PFKFB2: variants seen among roughly 807,000 people sequenced by gnomAD.
PFKFB2 encodes the protein 6-phosphofructo-2-kinase/fructose-2,6-biphosphatase 2.
A neutral mutation model predicts 68.0 loss-of-function variants in PFKFB2; 53 were observed. The ratio of observed to expected loss-of-function variants is 0.78; its 90% CI spans 0.63 to 0.98. The LOEUF is 0.98. Among genes scored for constraint, PFKFB2 ranks in the 50% least tolerant of loss-of-function variants. PFKFB2 has a pLI of 0.00. For synonymous variants in PFKFB2, 222 were observed against 227.6 expected (o/e 0.98, Z 0.22); for missense variants, 451 against 642.0 (o/e 0.70, Z 3.22).
chr1:207,079,078 G>A (rs1186261073), downstream of PFKFB2: 7 of 1,419,088 alleles, frequency 4.9e-6, no homozygotes, highest in Admixed American at 3.3e-5. Flanking sequence ...AAAAGCTTGG[G>A]ATGTCAGCTT....
In PFKFB2 at chr1:207,077,458, C is replaced by T; in HGVS notation, c.*5087C>T. ...TATGTACGTTTTTTATTATATTGAC[C>T]TAACAAGAAGATCAACTTATGCTGG... On this transcript the variant is annotated 3_prime_UTR_variant, in exon 15 of 15. Coordinates refer to ENST00000367080, the MANE Select transcript of PFKFB2 (RefSeq NM_006212.2). The T allele has an allele frequency of 1.0e-6, 1 of 985,246 alleles. No individual in the cohort carries two copies. The highest frequency in any genetic ancestry group is 1.2e-6 in the Non-Finnish European group (1 of 829,826). 61.0% of individuals were successfully genotyped at this position (985,246 alleles called of 1,614,324 possible). A position where few individuals can be genotyped will look rare whatever the true frequency, so the allele number is the denominator to read the frequency against.
At chr1:207,060,959 A>C (rs867518500) in intron 2 of PFKFB2, 1 of 126,210 alleles carries the variant, frequency 7.9e-6, no homozygotes, top group East Asian at 2.0e-4. Flanking sequence ...GGCTAAGTTA[A>C]ATATATATAT....
intron 8 of PFKFB2, among the ~76,000 whole-genome samples, chr1:207,066,981 C>G (rs1683309175): frequency 6.6e-6 from 1 of 152,156 alleles, no homozygotes; most frequent in South Asian, 2.1e-4. Context: ...AGAGAACAAT[C>G]TCATGTTGGC....
At chr1:207,044,190 G>C (rs1343501628) in intron 2 of PFKFB2, 1 of 152,362 alleles carries the variant, frequency 6.6e-6, no homozygotes, top group East Asian at 1.9e-4. Flanking sequence ...TTTGCGTTAG[G>C]AACCTCTGTC....
At chr1:207,053,695 C>T (rs1225697347) in intron 1 of PFKFB2, among the ~76,000 whole-genome samples, 3 of 152,076 alleles carry the variant, frequency 2.0e-5, no homozygotes, top group African/African-American at 7.2e-5. Context: ...AAGTCATTTA[C>T]CACCTCAGCG....
intron 2 of PFKFB2, among the ~76,000 whole-genome samples, chr1:207,060,556 G>C (rs948386902): frequency 1.3e-5 from 2 of 152,184 alleles, no homozygotes; most frequent in Admixed American, 6.5e-5. Flanking sequence ...AGGAGCTCAT[G>C]ACCTGAGTGA....
At chr1:207,078,780 T>G (rs1342576551), downstream of PFKFB2, among the ~76,000 whole-genome samples, 3 of 152,048 alleles carry the variant, frequency 2.0e-5, no homozygotes, top group Non-Finnish European at 2.9e-5. Context: ...ACTACGCCAT[T>G]CGGGTAGTCA....
At position 207,075,282 on chromosome 1, in the gene PFKFB2, C is replaced by T; in HGVS notation, c.*2911C>T. ...TAGTTCGCTTTCTCCAGAAGAGGAG[C>T]TGAGGTGGTCTTATCCTCAGATAGG... On this transcript the variant is annotated 3_prime_UTR_variant, in exon 15 of 15. Transcript: ENST00000367080. The T allele has an allele frequency of 3.0e-6, 3 of 985,406 alleles. No homozygotes were observed. Among genetic ancestry groups the T allele is most frequent in the Non-Finnish European group, 3.6e-6 (3 of 829,910 alleles). 61.0% of individuals were successfully genotyped at this position (985,406 alleles called of 1,614,324 possible).
At chr1:207,051,005 T>A, upstream of PFKFB2, 1 of 1,524,784 alleles carries the variant, frequency 6.6e-7, no homozygotes, top group Non-Finnish European at 8.8e-7. Flanking sequence ...GACTCCAAAA[T>A]GGCGACCTTT....
intron 2 of PFKFB2, among the ~76,000 whole-genome samples, chr1:207,059,377 T>G (rs1683020123): frequency 6.6e-6 from 1 of 152,162 alleles, no homozygotes; most frequent in East Asian, 1.9e-4. Flanking sequence ...CATGGGGGAT[T>G]GAGAGCAGGC....
At chr1:207,035,035 T>C (rs986142858) in intron 1 of PFKFB2, 2 of 505,326 alleles carry the variant, frequency 4.0e-6, no homozygotes, top group Non-Finnish European at 2.6e-6. Flanking sequence ...GTCAAAAGCC[T>C]GAAAGAATAA....
chr1:207,061,765 C>G (rs1264613593), intron 2 of PFKFB2, among the ~76,000 whole-genome samples, 188 bp from the exon 3 acceptor site: 1 of 152,072 alleles, frequency 6.6e-6, no homozygotes, highest in Non-Finnish European at 1.5e-5. Flanking sequence ...GCCTGTAGTC[C>G]CAGGTATTCG....
chr1:207,075,568 T>G lies in PFKFB2; in HGVS notation c.*3197T>G, dbSNP rs896775457. 15 of 985,156 alleles carry G rather than the reference T, an allele frequency of 1.5e-5. No individual in the cohort carries two copies. The African/African-American group carries it at 2.1e-4, about 14-fold the overall frequency. The allele number at this position is 985,156 out of a possible 1,614,324, so 61.0% of individuals were successfully genotyped here. A position where few individuals can be genotyped will look rare whatever the true frequency, so the allele number is the denominator to read the frequency against. On this transcript the variant is annotated 3_prime_UTR_variant, in exon 15 of 15. Coordinates refer to ENST00000367080, the MANE Select transcript of PFKFB2 (RefSeq NM_006212.2). ...TACAAAATAAAAATGGACTTAAAAGTACTCTCTGCTGAGGCTGTAAGTTTT... is the reference window on the plus strand; with the variant it reads ...TACAAAATAAAAATGGACTTAAAAGGACTCTCTGCTGAGGCTGTAAGTTTT...
At chr1:207,062,218 T>A in intron 3 of PFKFB2, 140 bp downstream of exon 3, 1 of 1,174,424 alleles carries the variant, frequency 8.5e-7, no homozygotes, top group Non-Finnish European at 1.2e-6. Context: ...TTACTGGAGT[T>A]ATTCTCTATT....
At chr1:207,043,019 CTT>C (rs766354163) in intron 2 of PFKFB2, among the ~76,000 whole-genome samples, 18 of 142,456 alleles carry the variant, frequency 1.3e-4, no homozygotes, top group East Asian at 2.0e-4. Context: ...GATTCCCAAA[CTT>C]TTTTTTTTTT....
intron 8 of PFKFB2, among the ~76,000 whole-genome samples, chr1:207,065,830 C>G (rs2075864): frequency 0.45 from 68,721 of 151,752 alleles, 16,625 homozygotes; most frequent in African/African-American, 0.62. Flanking sequence ...ACACCTCCAA[C>G]CTGTGACAAC....
chr1:207,073,960 G>A lies in PFKFB2; in HGVS notation c.*1589G>A, dbSNP rs548177757. The A allele has an allele frequency of 1.0e-6, 1 of 985,316 alleles. No homozygotes were observed. Among genetic ancestry groups the A allele is most frequent in the East Asian group, 1.1e-4 (1 of 8,818 alleles). 61.0% of individuals were successfully genotyped at this position (985,316 alleles called of 1,614,324 possible). The stretch of plus-strand genomic sequence containing the variant: ...GAGAAGGAGTTAGCTATTTTCCAAG[G>A]GTGTTTTCATTTGGTAATGGAAGAC... On this transcript the variant is annotated 3_prime_UTR_variant, in exon 15 of 15. Coordinates refer to ENST00000367080, the MANE Select transcript of PFKFB2 (RefSeq NM_006212.2).
chr1:207,048,690 T>G (rs569516253), upstream of PFKFB2: 387 of 241,162 alleles, frequency 1.6e-3, 4 homozygotes, highest in South Asian at 6.6e-3. Flanking sequence ...AATGTGATGC[T>G]TTCTTCTACA....
Position 207,054,770 on chromosome 1 carries a change from C to T in PFKFB2, c.53C>T (p.Thr18Ile). The T allele has an allele frequency of 1.2e-6, 2 of 1,613,820 alleles. No homozygotes were observed. Among genetic ancestry groups the T allele is most frequent in the East Asian group, 4.5e-5 (2 of 44,882 alleles). ...AACAACAACAGCTATGAAACCAAAACCCCAAATCTTCGAATGTCAGAGAAG... is the reference window on the plus strand; with the variant it reads ...AACAACAACAGCTATGAAACCAAAATCCCAAATCTTCGAATGTCAGAGAAG... ...EQNNNSYETKTPNLRMSEKKC... is the reference protein window; with the variant it reads ...EQNNNSYETKIPNLRMSEKKC... Residue 18 changes from threonine (T) to isoleucine (I), a missense_variant, in exon 2 of 15, where the codon ACC becomes ATC. Physicochemically the swap from Thr to Ile is moderately conservative, Grantham distance 89. Coordinates refer to ENST00000367080, the MANE Select transcript of PFKFB2 (RefSeq NM_006212.2).
Sources: gnomAD v4.1 joint callset for allele counts (sites outside exome capture counted in the v4.1 genomes callset) on GRCh38, gnomAD v4.1.1 for gene constraint, MANE v1.5 for transcripts, NCBI Gene and HGNC (gene_info 2026-07-23, HGNC 2026-07-21) for gene names.